Variants in MGST1 observed in about 807,000 individuals in gnomAD.
MGST1 encodes microsomal glutathione S-transferase 1, also known as glutathione S-transferase 12.
In MGST1, 5 loss-of-function variants were observed where a neutral mutation model predicts 8.9. That is an observed-to-expected ratio of 0.56 (90% CI 0.29 to 1.19). MGST1 has a LOEUF of 1.19. Ranked by LOEUF, MGST1 falls within the 50% of genes most tolerant of loss-of-function variation. The pLI, the probability that MGST1 is intolerant of heterozygous loss-of-function variation, is 0.08. For synonymous variants in MGST1, 54 were observed against 67.8 expected, an observed-to-expected ratio of 0.80 and a Z score of 1.00; for missense variants, 182 against 187.4, an observed-to-expected ratio of 0.97 and a Z score of 0.17.
At chr12:16,359,970 A>AATTGATCCGCTAACCTG (rs1939910497) in intron 3 of MGST1, among the ~76,000 whole-genome samples, 1 of 152,198 alleles carries the variant, frequency 6.6e-6, no homozygotes. Flanking sequence ...ACGTTATCTA[A>AATTGATCCGCTAACCTG]ATTGATCCGC....
intron 1 of MGST1, among the ~76,000 whole-genome samples, chr12:16,392,403 T>C (rs1395701515): frequency 6.6e-6 from 1 of 152,236 alleles, no homozygotes; most frequent in Non-Finnish European, 1.5e-5. Flanking sequence ...CTCAGTAATA[T>C]CATGCAAACT....
At chr12:16,386,535 G>A (rs756412059) in intron 1 of MGST1, among the ~76,000 whole-genome samples, 4 of 152,154 alleles carry the variant, frequency 2.6e-5, no homozygotes. Flanking sequence ...TCAATACTGA[G>A]ACCGAAGCTT....
chr12:16,504,168 T>C (rs1347911617), intron 4 of MGST1, among the ~76,000 whole-genome samples: 2 of 151,990 alleles, frequency 1.3e-5, no homozygotes, highest in African/African-American at 4.8e-5. Context: ...TTTCTCACTT[T>C]TTTGTAACTC....
chr12:16,394,610 T>G (rs1216697225), intron 1 of MGST1, among the ~76,000 whole-genome samples: 2 of 151,238 alleles, frequency 1.3e-5, no homozygotes, highest in Non-Finnish European at 2.9e-5. Context: ...TCTTTTCTTT[T>G]GAAACAGAGT....
chr12:16,520,843 A>G (rs1355076390), intron 4 of MGST1, among the ~76,000 whole-genome samples: 2 of 152,154 alleles, frequency 1.3e-5, no homozygotes, highest in East Asian at 3.8e-4. Context: ...AGTTGTAAGG[A>G]GCCTGTTTCA....
intron 4 of MGST1, among the ~76,000 whole-genome samples, chr12:16,564,479 G>C (rs569036269): frequency 2.4e-4 from 37 of 152,280 alleles, no homozygotes; most frequent in Non-Finnish European, 1.5e-5. Context: ...AAAAACTCAA[G>C]ACATATACTC....
At chr12:16,434,438 T>G (rs1940965673) in intron 1 of MGST1, among the ~76,000 whole-genome samples, 1 of 109,440 alleles carries the variant, frequency 9.1e-6, no homozygotes, top group Non-Finnish European at 1.9e-5. Context: ...TTATTTTATT[T>G]CAGTTGTGTG....
chr12:16,505,709 A>T (rs775984164), intron 4 of MGST1, among the ~76,000 whole-genome samples: 9 of 152,148 alleles, frequency 5.9e-5, no homozygotes, highest in Non-Finnish European at 1.2e-4. Context: ...ATTCATCCTC[A>T]TACTGTCAAC....
At chr12:16,445,934 C>G (rs1941076303) in intron 4 of MGST1, among the ~76,000 whole-genome samples, 1 of 151,920 alleles carries the variant, frequency 6.6e-6, no homozygotes, top group Admixed American at 6.6e-5. Context: ...TCTACTTGGT[C>G]TTTCCTGAGA....
At chr12:16,388,858 G>C (rs1171009740) in intron 1 of MGST1, among the ~76,000 whole-genome samples, 1 of 152,176 alleles carries the variant, frequency 6.6e-6, no homozygotes, top group Non-Finnish European at 1.5e-5. Flanking sequence ...TGTGGCAGGA[G>C]CTGTACTCTG....
chr12:16,488,730 T>C (rs1941416727), intron 4 of MGST1, among the ~76,000 whole-genome samples: 1 of 152,176 alleles, frequency 6.6e-6, no homozygotes, highest in Non-Finnish European at 1.5e-5. Context: ...TGATTAATAT[T>C]GGTCTCCTTG....
chr12:16,470,932 CA>C lies in MGST1; in HGVS notation n.482+87330del. ...TTTGAGGGTATTTTAAAACTAAAAACAATTAAGTTTTTGAGATCGATTTAAT... is the reference window on the plus strand; with the variant it reads ...TTTGAGGGTATTTTAAAACTAAAAACATTAAGTTTTTGAGATCGATTTAAT... On this transcript the variant is annotated intron_variant and non_coding_transcript_variant, in intron 4 of 4. Coordinates refer to the MGST1 transcript ENST00000538857. 2.6e-5 allele frequency among the ~76,000 whole-genome samples: 4 copies of C among 152,264 alleles called. 1 individual carries two copies. The highest frequency in any genetic ancestry group is 2.6e-4 in the Admixed American group (4 of 15,292).
intron 4 of MGST1, among the ~76,000 whole-genome samples, chr12:16,448,124 TGAGAA>T (rs1941096603): frequency 6.6e-6 from 1 of 151,578 alleles, no homozygotes; most frequent in South Asian, 2.1e-4. Flanking sequence ...AATTTTAAAA[TGAGAA>T]AAGAGCAATA....
At chr12:16,435,966 A>G (rs1439103411) in intron 1 of MGST1, among the ~76,000 whole-genome samples, 3 of 145,400 alleles carry the variant, frequency 2.1e-5, no homozygotes, top group African/African-American at 7.7e-5. Context: ...TATCTTTTAA[A>G]GAAGTTATTT....
At chr12:16,383,704 A>T (rs528239706) in intron 1 of MGST1, 2 of 152,302 alleles carry the variant, frequency 1.3e-5, no homozygotes, top group East Asian at 1.9e-4. Context: ...CAGGTGATCC[A>T]TCCGCCTTGG....
At chr12:16,526,944 C>T (rs1359185178) in intron 4 of MGST1, among the ~76,000 whole-genome samples, 2 of 151,916 alleles carry the variant, frequency 1.3e-5, no homozygotes, top group Non-Finnish European at 2.9e-5. Context: ...AACTTAGGAA[C>T]CAAAAGAGCT....
chr12:16,535,355 G>A (rs962814959), intron 4 of MGST1, among the ~76,000 whole-genome samples: 62 of 152,282 alleles, frequency 4.1e-4, no homozygotes, highest in African/African-American at 1.5e-3. Context: ...AAAAGACAGA[G>A]CTTGCAAAAC....
chr12:16,430,367 C>A (rs571932977), intron 1 of MGST1, among the ~76,000 whole-genome samples: 1 of 152,282 alleles, frequency 6.6e-6, no homozygotes, highest in East Asian at 1.9e-4. Flanking sequence ...AAAGATGAAT[C>A]TTTTCTAGAA....
intron 4 of MGST1, among the ~76,000 whole-genome samples, chr12:16,569,874 C>T (rs1478483271): frequency 6.6e-6 from 1 of 152,038 alleles, no homozygotes; most frequent in Non-Finnish European, 1.5e-5. Flanking sequence ...AATATTTTAA[C>T]TATATCTTTA....
Sources: gnomAD v4.1 joint callset for allele counts (sites outside exome capture counted in the v4.1 genomes callset) on GRCh38, gnomAD v4.1.1 for gene constraint, MANE v1.5 for transcripts, NCBI Gene and HGNC (gene_info 2026-07-23, HGNC 2026-07-21) for gene names.